Variants in BRAF observed in about 807,000 individuals in gnomAD.
BRAF encodes B-Raf proto-oncogene, serine/threonine kinase.
A neutral mutation model predicts 104.6 loss-of-function variants in BRAF; 16 were observed. The observed-to-expected ratio is 0.15, with a 90% confidence interval of 0.10 to 0.23. The LOEUF (loss-of-function observed/expected upper bound fraction) is 0.23. Ranked by LOEUF, BRAF falls within the 10% of genes least tolerant of loss-of-function variation. The pLI is 1.00. For missense variants in BRAF, 541 were observed against 937.3 expected (o/e 0.58, Z 5.52); for synonymous variants, 310 against 341.6 (o/e 0.91, Z 1.02).
In BRAF at chr7:140,734,480, T is replaced by C. The variant is rs1018167187; in HGVS notation, c.2401+137A>G. 31 of 1,594,994 alleles carry C rather than the reference T, an allele frequency of 1.9e-5. No individual in the cohort carries two copies. The African/African-American group carries it at 4.2e-4, about 21-fold the overall frequency. ...ATCTAGTCTTTAACCACACAAGTGT[T>C]CTTTGGTTCACCTTAAAAAAAAAGA... is the stretch of plus-strand genomic sequence containing the variant. On this transcript the variant is annotated intron_variant, in intron 19 of 19. Transcript: ENST00000644969.
Position 140,756,794 on chromosome 7 carries a change from G to A in BRAF, c.1815-2561C>T, listed in dbSNP as rs564545711. On this transcript the variant is annotated intron_variant, in intron 14 of 19. Coordinates refer to ENST00000644969, the MANE Select transcript of BRAF (RefSeq NM_001374258.1). ...AAAGGAACAACACATTCTCTTGATA[G>A]GTTTCTCTTAACAGTCTCATTCCTT... 2.6e-5 allele frequency among the ~76,000 whole-genome samples: 4 copies of A among 152,284 alleles called. No individual in the cohort carries two copies. The South Asian group carries it at 8.3e-4, about 32-fold the overall frequency.
intron 14 of BRAF, among the ~76,000 whole-genome samples, chr7:140,765,044 A>C (rs1483343039): frequency 6.6e-6 from 1 of 152,212 alleles, no homozygotes; most frequent in Non-Finnish European, 1.5e-5. Context: ...CCTGACTGCA[A>C]ACTATACTAC....
At chr7:140,732,798 A>G (rs888230922) in intron 19 of BRAF, 7 of 152,242 alleles carry the variant, frequency 4.6e-5, no homozygotes, top group African/African-American at 1.7e-4. Context: ...TCTATCAATA[A>G]AGAGACCCCT....
At chr7:140,776,501 A>G (rs1157598704) in intron 14 of BRAF, among the ~76,000 whole-genome samples, 1 of 152,214 alleles carries the variant, frequency 6.6e-6, no homozygotes, top group Non-Finnish European at 1.5e-5. Context: ...TTTTCACTTT[A>G]ACTTTATTAA....
chr7:140,859,391 T>C (rs1379489595), intron 1 of BRAF, among the ~76,000 whole-genome samples: 1 of 152,198 alleles, frequency 6.6e-6, no homozygotes, highest in Non-Finnish European at 1.5e-5. Context: ...GTTCTAGATG[T>C]GTCTGGCCAG....
intron 16 of BRAF, 114 bp downstream of exon 15, chr7:140,753,161 G>A (rs1797919458): frequency 1.3e-6 from 1 of 771,476 alleles, no homozygotes; most frequent in Non-Finnish European, 2.2e-6. Flanking sequence ...TGATTTTTGT[G>A]AATACTGGGA....
chr7:140,847,301 G>A (rs186324111), intron 2 of BRAF, among the ~76,000 whole-genome samples: 4 of 151,964 alleles, frequency 2.6e-5, no homozygotes, highest in East Asian at 1.9e-4. Flanking sequence ...TGCTATTCCC[G>A]GCCAGGCACG....
At chr7:140,734,092 T>C in intron 19 of BRAF, 8 of 1,035,318 alleles carry the variant, frequency 7.7e-6, no homozygotes, top group Non-Finnish European at 9.3e-6. Context: ...AAAGAAATAG[T>C]TATAGAAAAA....
chr7:140,875,868 T>C (rs901597951), intron 1 of BRAF, among the ~76,000 whole-genome samples: 6 of 152,180 alleles, frequency 3.9e-5, no homozygotes, highest in African/African-American at 1.4e-4. Context: ...AGAGCAATCA[T>C]AAAACAAAGA....
chr7:140,812,443 A>AAT (rs990152473), intron 3 of BRAF, among the ~76,000 whole-genome samples: 1 of 152,196 alleles, frequency 6.6e-6, no homozygotes, highest in African/African-American at 2.4e-5. Context: ...ACTTGGAGCT[A>AAT]TCTATCCTTC....
intron 1 of BRAF, among the ~76,000 whole-genome samples, chr7:140,897,963 G>A (rs1815152975): frequency 1.3e-5 from 2 of 152,142 alleles, no homozygotes; most frequent in Admixed American, 6.5e-5. Context: ...ACTTTGGGAG[G>A]CCAAGGTGGG....
At chr7:140,772,284 A>T (rs972619880) in intron 14 of BRAF, among the ~76,000 whole-genome samples, 144 of 151,018 alleles carry the variant, frequency 9.5e-4, no homozygotes, top group African/African-American at 3.3e-3. Flanking sequence ...CAACAACAAC[A>T]ACAACAACAA....
intron 3 of BRAF, among the ~76,000 whole-genome samples, chr7:140,809,886 ATC>A (rs1804052382): frequency 7.1e-6 from 1 of 140,900 alleles, no homozygotes; most frequent in Non-Finnish European, 1.5e-5. Context: ...AAAAAAAGTA[ATC>A]TCTCTGTATA....
chr7:140,751,688 C>T lies in BRAF; in HGVS notation c.1980+1587G>A, dbSNP rs191773526. On this transcript the variant is annotated intron_variant, in intron 16 of 19. Transcript: ENST00000644969. ...AGATCTTCTAAGTCCAATGTCCCCT[C>T]TTCCACCTTGCCACCTGCCCTAATT... Among the ~76,000 whole-genome samples, 8 of 152,296 alleles carry T rather than the reference C, an allele frequency of 5.3e-5. No individual in the cohort carries two copies. In the East Asian group the frequency reaches 1.4e-3, roughly 26 times the overall value.
rs907714120 is a variant in BRAF at position 140,914,625 on chromosome 7, G to GT, written c.138+9940dup. Among the ~76,000 whole-genome samples the GT allele has an allele frequency of 3.3e-5, 5 of 151,776 alleles. 1 individual carries two copies. Among genetic ancestry groups the GT allele is most frequent in the South Asian group, 2.1e-4 (1 of 4,828 alleles). ...ATCAATAGTACTTTATCTTTTTATGGTAAAAAAAAGTTATAAAGGCAATAA... is the reference window on the plus strand; with the variant it reads ...ATCAATAGTACTTTATCTTTTTATGGTTAAAAAAAAGTTATAAAGGCAATAA... On this transcript the variant is annotated intron_variant, in intron 1 of 19. Transcript: ENST00000644969.
At chr7:140,713,888 G>A in the BRAF span, among the ~76,000 whole-genome samples, 3 of 152,304 alleles carry the variant, frequency 2.0e-5, no homozygotes, top group South Asian at 6.2e-4. Context: ...GACCCTGTTT[G>A]CCTGGGTATC....
chr7:140,794,039 C>A (rs1177795041), intron 8 of BRAF, among the ~76,000 whole-genome samples: 1 of 152,056 alleles, frequency 6.6e-6, no homozygotes, highest in Admixed American at 6.5e-5. Flanking sequence ...ATATTTAAAC[C>A]ATTTTCATTT....
intron 16 of BRAF, among the ~76,000 whole-genome samples, chr7:140,752,435 A>G (rs890010923): frequency 1.3e-5 from 2 of 152,222 alleles, no homozygotes; most frequent in Admixed American, 1.3e-4. Context: ...AAGGATATAA[A>G]GAAAATCTTG....
intron 3 of BRAF, among the ~76,000 whole-genome samples, chr7:140,826,822 G>A (rs1031203363): frequency 3.9e-5 from 6 of 152,068 alleles, no homozygotes; most frequent in Admixed American, 1.3e-4. Flanking sequence ...ATTTAAGAAC[G>A]TTAATTCCAT....
Sources: allele counts gnomAD v4.1 joint callset (sites outside exome capture counted in the v4.1 genomes callset), GRCh38; gene constraint gnomAD v4.1.1; transcripts MANE v1.5; gene names NCBI Gene and HGNC (gene_info 2026-07-23, HGNC 2026-07-21).